The following ACP3 variants were observed in gnomAD, a reference collection of about 807,000 sequenced individuals.
The protein encoded by ACP3 is acid phosphatase 3, also known as prostatic acid phosphatase.
In ACP3, 38 loss-of-function variants were observed where a neutral mutation model predicts 45.6. The ratio of observed to expected loss-of-function variants is 0.83; its 90% CI spans 0.64 to 1.09. The LOEUF is 1.09. ACP3 is among the 50% of genes least tolerant of loss of function. The pLI is 0.00. For missense variants in ACP3, 466 were observed against 463.2 expected (o/e 1.01, Z -0.05); for synonymous variants, 162 against 164.7 (o/e 0.98, Z 0.13).
intron 2 of ACP3, among the ~76,000 whole-genome samples, chr3:132,328,679 C>CAA (rs553521994): frequency 0.019 from 1,315 of 69,012 alleles, 29 homozygotes; most frequent in African/African-American, 0.037. Flanking sequence ...AACTCTATCT[C>CAA]AAAAAAAAAA....
At chr3:132,338,281 G>GTT (rs60620661) in intron 5 of ACP3, among the ~76,000 whole-genome samples, 5 of 136,310 alleles carry the variant, frequency 3.7e-5, no homozygotes, top group South Asian at 4.6e-4. Flanking sequence ...GTTTTGTTTT[G>GTT]TTTTTTTTTT....
downstream of ACP3, among the ~76,000 whole-genome samples, chr3:132,363,179 A>G (rs907722437): frequency 6.6e-6 from 1 of 152,264 alleles, no homozygotes; most frequent in African/African-American, 2.4e-5. Context: ...TCCTCATTCC[A>G]CATTCAGTAT....
chr3:132,346,688 T>C (rs915444225), intron 7 of ACP3, among the ~76,000 whole-genome samples: 4 of 152,240 alleles, frequency 2.6e-5, no homozygotes, highest in African/African-American at 4.8e-5. Flanking sequence ...GCCTCATTTC[T>C]GGCCCACCAG....
chr3:132,345,178 C>T, intron 7 of ACP3, 119 bp downstream of exon 7: 1 of 920,066 alleles, frequency 1.1e-6, no homozygotes, highest in East Asian at 2.6e-5. Context: ...CACTCTTGCA[C>T]CAGCTTCCAT....
intron 1 of ACP3, among the ~76,000 whole-genome samples, chr3:132,322,174 T>C (rs944246254): frequency 6.6e-6 from 1 of 152,230 alleles, no homozygotes; most frequent in Non-Finnish European, 1.5e-5. Context: ...TTTTCTGATA[T>C]ATCACACATC....
chr3:132,340,888 G>A (rs1937546461), intron 5 of ACP3, among the ~76,000 whole-genome samples: 1 of 152,066 alleles, frequency 6.6e-6, no homozygotes, highest in Non-Finnish European at 1.5e-5. Flanking sequence ...GAGTCAGCTT[G>A]TCTAGTTCCA....
intron 1 of ACP3, among the ~76,000 whole-genome samples, chr3:132,325,180 C>T (rs1937275583): frequency 6.6e-6 from 1 of 152,158 alleles, no homozygotes; most frequent in South Asian, 2.1e-4. Context: ...TCCAAAAGCT[C>T]AAGGAACACC....
chr3:132,358,827 A>C lies in ACP3; in HGVS notation c.*1949A>C, dbSNP rs1393283946. The C allele has an allele frequency of 1.0e-6, 1 of 985,254 alleles. No individual in the cohort carries two copies. Among genetic ancestry groups the C allele is most frequent in the Admixed American group, 6.1e-5 (1 of 16,270 alleles). 61.0% of individuals were successfully genotyped at this position (985,254 alleles called of 1,614,324 possible). Reference sequence around the variant, plus strand: ...TGTTTAATTAGAATAAAATTCCTCTAGGCAGATTTCAGGAGCTCCCTTTGT... The same window carrying C: ...TGTTTAATTAGAATAAAATTCCTCTCGGCAGATTTCAGGAGCTCCCTTTGT... On this transcript the variant is annotated 3_prime_UTR_variant, in exon 10 of 10. Transcript: ENST00000336375.
At chr3:132,367,816 C>T (rs943487547) in exon 11 of ACP3, 13 of 1,608,888 alleles carry the variant, frequency 8.1e-6, no homozygotes, top group Admixed American at 1.7e-5. Flanking sequence ...CCTATGGGAA[C>T]ATCTGAACAG....
intron 2 of ACP3, among the ~76,000 whole-genome samples, chr3:132,329,782 C>T (rs1319993262): frequency 6.6e-6 from 1 of 152,118 alleles, no homozygotes; most frequent in Non-Finnish European, 1.5e-5. Flanking sequence ...GATTCTAATT[C>T]AGCAGGTCTG....
chr3:132,351,037 G>A lies in ACP3; in HGVS notation c.864+1035G>A, dbSNP rs575819982. 2.6e-5 allele frequency among the ~76,000 whole-genome samples: 4 copies of A among 152,308 alleles called. No homozygotes were observed. The East Asian group carries it at 7.7e-4, about 29-fold the overall frequency. On this transcript the variant is annotated intron_variant, in intron 8 of 9. Transcript: ENST00000336375. Reference sequence around the variant, plus strand: ...TTGGAAGTGGGTGGAAGACAATGATGTGGAAGGTGAAGCCCCAGATGAAGT... The same window carrying A: ...TTGGAAGTGGGTGGAAGACAATGATATGGAAGGTGAAGCCCCAGATGAAGT...
chr3:132,367,750 C>G (rs772250533), exon 11 of ACP3: 1 of 1,613,902 alleles, frequency 6.2e-7, no homozygotes, highest in Non-Finnish European at 8.5e-7. Flanking sequence ...TATCTGCTGT[C>G]CTAATGGTAC....
chr3:132,351,067 A>G (rs1342293361), intron 8 of ACP3, among the ~76,000 whole-genome samples: 1 of 152,188 alleles, frequency 6.6e-6, no homozygotes. Flanking sequence ...TGAAGTCAAG[A>G]TTTCAGTTTT....
At chr3:132,354,485 T>C (rs554134492) in intron 9 of ACP3, among the ~76,000 whole-genome samples, 8 of 152,280 alleles carry the variant, frequency 5.3e-5, no homozygotes, top group Non-Finnish European at 1.2e-4. Flanking sequence ...GTTGTTGTAT[T>C]AGGATTTTTT....
intron 9 of ACP3, among the ~76,000 whole-genome samples, chr3:132,355,131 C>T (rs993236846): frequency 1.3e-5 from 2 of 152,230 alleles, no homozygotes; most frequent in Non-Finnish European, 2.9e-5. Flanking sequence ...GCTGTGCTCA[C>T]TTGCAGGCAG....
downstream of ACP3, among the ~76,000 whole-genome samples, chr3:132,363,004 A>C (rs1269241081): frequency 6.6e-6 from 1 of 152,208 alleles, no homozygotes; most frequent in African/African-American, 2.4e-5. Flanking sequence ...ACAATTAATC[A>C]TGCTCTCTTT....
intron 10 of ACP3, among the ~76,000 whole-genome samples, chr3:132,367,314 AG>A (rs1204520853): frequency 2.0e-5 from 3 of 152,222 alleles, no homozygotes; most frequent in Non-Finnish European, 4.4e-5. Context: ...TAAAAATCGA[AG>A]GATTTCATTT....
chr3:132,365,860 G>A (rs1227199697), intron 10 of ACP3, among the ~76,000 whole-genome samples: 2 of 152,022 alleles, frequency 1.3e-5, no homozygotes, highest in East Asian at 1.9e-4. Context: ...GCATTGTAGC[G>A]GGCACCTGTA....
At chr3:132,368,094 G>A in exon 11 of ACP3, 1 of 275,466 alleles carries the variant, frequency 3.6e-6, no homozygotes. Context: ...TGTATTCTCT[G>A]CCACAGTTGT....
Sources: allele counts gnomAD v4.1 joint callset (sites outside exome capture counted in the v4.1 genomes callset), GRCh38; gene constraint gnomAD v4.1.1; transcripts MANE v1.5; gene names NCBI Gene and HGNC (gene_info 2026-07-23, HGNC 2026-07-21).